Variants in PRKG1 observed in about 807,000 individuals in gnomAD.
PRKG1 encodes the protein cGMP-dependent protein kinase 1.
A neutral mutation model predicts 88.1 loss-of-function variants in PRKG1; 35 were observed. The ratio of observed to expected loss-of-function variants is 0.40; its 90% CI spans 0.30 to 0.53. The LOEUF (loss-of-function observed/expected upper bound fraction) is 0.53, where lower values mean the gene tolerates loss of function less well. Among genes scored for constraint, PRKG1 ranks in the 20% least tolerant of loss-of-function variants. The pLI is 0.59. For synonymous variants in PRKG1, 303 were observed against 292.5 expected, an observed-to-expected ratio of 1.04 and a Z score of -0.37; for missense variants, 540 against 839.8, an observed-to-expected ratio of 0.64 and a Z score of 4.41.
At chr10:51,296,406 A>T (rs1840721457) in intron 2 of PRKG1, among the ~76,000 whole-genome samples, 1 of 152,060 alleles carries the variant, frequency 6.6e-6, no homozygotes. Flanking sequence ...ATTCAGCTTC[A>T]ATAAGTTGCA....
intron 7 of PRKG1, among the ~76,000 whole-genome samples, chr10:52,100,158 C>G (rs2132564471): frequency 6.6e-6 from 1 of 152,224 alleles, no homozygotes; most frequent in South Asian, 2.1e-4. Context: ...CCAGCCTTCT[C>G]CCAGCACAGT....
At chr10:52,075,341 C>A (rs977368603) in intron 7 of PRKG1, among the ~76,000 whole-genome samples, 7 of 152,308 alleles carry the variant, frequency 4.6e-5, no homozygotes, top group Admixed American at 2.0e-4. Context: ...ACGCTCACCG[C>A]AATCCCAATC....
intron 4 of PRKG1, among the ~76,000 whole-genome samples, chr10:51,813,259 G>A (rs376947338): frequency 6.6e-6 from 1 of 152,144 alleles, no homozygotes; most frequent in African/African-American, 2.4e-5. Flanking sequence ...ATAAAATGAT[G>A]TATGACATAA....
chr10:51,465,978 G>C (rs1264786055), intron 2 of PRKG1, among the ~76,000 whole-genome samples: 1 of 152,088 alleles, frequency 6.6e-6, no homozygotes, highest in Non-Finnish European at 1.5e-5. Context: ...TGCTTTTATT[G>C]TATCTATTTC....
At chr10:52,293,208 T>A (rs567567701) in intron 17 of PRKG1, among the ~76,000 whole-genome samples, 3 of 151,418 alleles carry the variant, frequency 2.0e-5, no homozygotes, top group Admixed American at 2.0e-4. Context: ...TTCCAAGGGA[T>A]GTGAAGGACC....
At chr10:51,445,746 T>C (rs1227943724) in intron 2 of PRKG1, among the ~76,000 whole-genome samples, 2 of 151,874 alleles carry the variant, frequency 1.3e-5, no homozygotes, top group Non-Finnish European at 2.9e-5. Context: ...GGTCTTAAAA[T>C]GTCTTGTGTG....
At chr10:52,009,520 G>C (rs1178096887) in intron 5 of PRKG1, among the ~76,000 whole-genome samples, 1 of 151,944 alleles carries the variant, frequency 6.6e-6, no homozygotes, top group East Asian at 1.9e-4. Context: ...AAACAAATCA[G>C]AAATGGCATA....
chr10:52,052,994 G>T (rs999458321), intron 5 of PRKG1, among the ~76,000 whole-genome samples: 1 of 152,154 alleles, frequency 6.6e-6, no homozygotes, highest in Non-Finnish European at 1.5e-5. Flanking sequence ...AAATCTGCAT[G>T]TTGTAAAATT....
intron 2 of PRKG1, among the ~76,000 whole-genome samples, chr10:51,184,966 A>T (rs1033492903): frequency 6.6e-6 from 1 of 152,182 alleles, no homozygotes; most frequent in African/African-American, 2.4e-5. Context: ...TCCAGAGACC[A>T]CCAGTCCCTT....
intron 2 of PRKG1, among the ~76,000 whole-genome samples, chr10:51,422,228 C>T (rs1838436375): frequency 6.6e-6 from 1 of 152,178 alleles, no homozygotes; most frequent in Non-Finnish European, 1.5e-5. Context: ...TTATTAACCA[C>T]AATAGTTTCA....
At chr10:51,785,521 C>A (rs958180622) in intron 3 of PRKG1, among the ~76,000 whole-genome samples, 1 of 152,072 alleles carries the variant, frequency 6.6e-6, no homozygotes, top group Non-Finnish European at 1.5e-5. Flanking sequence ...CTTGTAACAA[C>A]TTAATGTCTA....
chr10:51,762,606 C>CT lies in PRKG1; in HGVS notation c.593-41971dup, dbSNP rs575484517. Among the ~76,000 whole-genome samples the CT allele has an allele frequency of 3.0e-4, 46 of 152,076 alleles. No homozygotes were observed. In the East Asian group the frequency reaches 5.8e-3, roughly 19 times the overall value. ...GCTGTTATAGCAATGATAACAATGA[C>CT]TTTTTTTTACCTAGGAGTGTTTAAA... On this transcript the variant is annotated intron_variant, in intron 3 of 17. Coordinates refer to ENST00000373980, the MANE Select transcript of PRKG1 (RefSeq NM_006258.4).
At chr10:51,843,976 A>T (rs1031048895) in intron 4 of PRKG1, among the ~76,000 whole-genome samples, 1 of 152,118 alleles carries the variant, frequency 6.6e-6, no homozygotes, top group East Asian at 1.9e-4. Flanking sequence ...ATGTTCAATT[A>T]TTATCAGGAG....
At chr10:51,324,058 T>TTTGATTTGA (rs1263896717) in intron 2 of PRKG1, among the ~76,000 whole-genome samples, 8 of 152,250 alleles carry the variant, frequency 5.3e-5, no homozygotes, top group Non-Finnish European at 7.3e-5. Context: ...TCAGAGTAAT[T>TTTGATTTGA]GGGATATCCA....
intron 2 of PRKG1, among the ~76,000 whole-genome samples, chr10:51,341,194 G>T (rs1841996634): frequency 1.3e-5 from 2 of 151,980 alleles, no homozygotes; most frequent in African/African-American, 4.8e-5. Flanking sequence ...TATTTCAAAA[G>T]ATTTTATAAA....
At chr10:51,415,830 T>C (rs1838219722) in intron 2 of PRKG1, among the ~76,000 whole-genome samples, 1 of 152,144 alleles carries the variant, frequency 6.6e-6, no homozygotes, top group African/African-American at 2.4e-5. Flanking sequence ...ATGTCCATTT[T>C]AATATTTTCC....
intron 1 of PRKG1, among the ~76,000 whole-genome samples, chr10:51,023,859 T>C (rs1052938599): frequency 6.6e-5 from 10 of 152,324 alleles, no homozygotes; most frequent in East Asian, 1.9e-4. Flanking sequence ...AAAAACAATG[T>C]TCACTTTAAA....
In PRKG1 at chr10:51,428,173, T is replaced by G. The variant is rs571784053; in HGVS notation, c.479-39550T>G. Reference sequence around the variant, plus strand: ...CATCTGAATAGCTTTCTGTTTTCCATGCATCCTCGTTATGCAACTGCTAAA... The same window carrying G: ...CATCTGAATAGCTTTCTGTTTTCCAGGCATCCTCGTTATGCAACTGCTAAA... On this transcript the variant is annotated intron_variant, in intron 2 of 17. Coordinates refer to ENST00000373980, the MANE Select transcript of PRKG1 (RefSeq NM_006258.4). 1.2e-4 allele frequency among the ~76,000 whole-genome samples: 19 copies of G among 152,350 alleles called. 1 individual carries two copies. The East Asian group carries it at 3.7e-3, about 29-fold the overall frequency.
At chr10:51,325,015 C>G (rs1841552431) in intron 2 of PRKG1, among the ~76,000 whole-genome samples, 1 of 152,064 alleles carries the variant, frequency 6.6e-6, no homozygotes, top group Admixed American at 6.5e-5. Flanking sequence ...AAAGAGAACC[C>G]CTTTCTTTAC....
Sources: gnomAD v4.1 joint callset for allele counts (sites outside exome capture counted in the v4.1 genomes callset) on GRCh38, gnomAD v4.1.1 for gene constraint, MANE v1.5 for transcripts, NCBI Gene and HGNC (gene_info 2026-07-23, HGNC 2026-07-21) for gene names.